Variants in MAST2 observed in about 807,000 individuals in gnomAD.
MAST2 encodes microtubule associated serine/threonine kinase 2, also known as microtubule-associated serine/threonine-protein kinase 2.
A neutral mutation model predicts 147.4 loss-of-function variants in MAST2; 70 were observed. That is an observed-to-expected ratio of 0.47 (90% confidence interval 0.39 to 0.58). The LOEUF (loss-of-function observed/expected upper bound fraction) is 0.58. MAST2 is among the 20% of genes least tolerant of loss of function. The pLI is 0.00. For missense variants in MAST2, 2,080 were observed against 2,302.3 expected (o/e 0.90, Z 1.98); for synonymous variants, 869 against 896.8 (o/e 0.97, Z 0.55).
chr1:46,026,555 T>C (rs961315212), intron 16 of MAST2, among the ~76,000 whole-genome samples: 3 of 151,892 alleles, frequency 2.0e-5, no homozygotes, highest in Non-Finnish European at 2.9e-5. Context: ...GAAAGCTCAC[T>C]CTGCCGGTGA....
In MAST2 at chr1:45,976,818, T is replaced by C. The variant is rs538825469; in HGVS notation, c.592+17341T>C. 6.3e-4 allele frequency among the ~76,000 whole-genome samples: 96 copies of C among 152,328 alleles called. 1 individual carries two copies. The highest frequency in any genetic ancestry group is 2.2e-3 in the African/African-American group (90 of 41,582). Reference sequence around the variant, plus strand: ...AAATCAGTGGCATGTGGATTGATTGTCTTCAGATTCCCTGAGTGATTAATG... The same window carrying C: ...AAATCAGTGGCATGTGGATTGATTGCCTTCAGATTCCCTGAGTGATTAATG... On this transcript the variant is annotated intron_variant, in intron 5 of 28. Coordinates refer to ENST00000361297, the MANE Select transcript of MAST2 (RefSeq NM_015112.3).
chr1:45,917,983 C>T (rs1038315693), intron 4 of MAST2, among the ~76,000 whole-genome samples: 4 of 152,118 alleles, frequency 2.6e-5, no homozygotes, highest in South Asian at 2.1e-4. Context: ...TATTTGATTA[C>T]GTACTATCTG....
chr1:45,893,296 GCTCAAGCGATCCTCCTGTTTCAGCTT>G (rs1648158166), intron 4 of MAST2, among the ~76,000 whole-genome samples: 1 of 152,140 alleles, frequency 6.6e-6, no homozygotes. Flanking sequence ...AACCTCCTGG[GCTCAAGCGATCCTCCTGTTTCAGCTT>G]CTCAGGTAGC....
At chr1:45,928,756 T>A (rs958472147) in intron 4 of MAST2, among the ~76,000 whole-genome samples, 16 of 152,068 alleles carry the variant, frequency 1.1e-4, no homozygotes, top group African/African-American at 3.6e-4. Flanking sequence ...ATTTTTTCTA[T>A]TTTTTGTAGA....
At chr1:45,890,786 T>C (rs1647637650) in intron 4 of MAST2, among the ~76,000 whole-genome samples, 1 of 152,214 alleles carries the variant, frequency 6.6e-6, no homozygotes, top group Non-Finnish European at 1.5e-5. Context: ...AAATTGGCAA[T>C]CATTTGAACT....
intron 17 of MAST2, 74 bp downstream of exon 17, chr1:46,027,937 A>T: frequency 1.3e-6 from 2 of 1,566,758 alleles, no homozygotes; most frequent in Admixed American, 1.8e-5. Context: ...TACGCCCGTA[A>T]TCCCAACCCT....
chr1:46,026,661 G>A (rs1049537897), intron 16 of MAST2, among the ~76,000 whole-genome samples: 2 of 152,114 alleles, frequency 1.3e-5, no homozygotes, highest in Admixed American at 6.5e-5. Context: ...AAAGAAGAGG[G>A]GTAGTGTGGG....
At chr1:46,001,439 T>C (rs768695516) in intron 6 of MAST2, among the ~76,000 whole-genome samples, 21 of 152,130 alleles carry the variant, frequency 1.4e-4, no homozygotes, top group Non-Finnish European at 4.4e-5. Flanking sequence ...TTGACAAGGG[T>C]TTGGGAAATC....
chr1:45,835,633 A>G (rs1252899513), intron 3 of MAST2, among the ~76,000 whole-genome samples: 4 of 152,182 alleles, frequency 2.6e-5, no homozygotes, highest in African/African-American at 9.7e-5. Context: ...TAACCATTTT[A>G]AAGTGTACAT....
intron 12 of MAST2, among the ~76,000 whole-genome samples, chr1:46,022,662 T>C (rs1646235420): frequency 6.6e-6 from 1 of 152,208 alleles, no homozygotes. Flanking sequence ...CCCCAGTTTA[T>C]AGAATTTGCC....
intron 3 of MAST2, among the ~76,000 whole-genome samples, chr1:45,857,259 C>T (rs538680851): frequency 1.5e-4 from 23 of 152,192 alleles, no homozygotes; most frequent in African/African-American, 5.3e-4. Context: ...GAAAGGAAGA[C>T]TACTTTGAAA....
intron 4 of MAST2, among the ~76,000 whole-genome samples, chr1:45,910,228 C>T (rs923311894): frequency 1.3e-5 from 2 of 151,154 alleles, no homozygotes; most frequent in Non-Finnish European, 1.5e-5. Flanking sequence ...ACAACGTACT[C>T]ATTTTCAGTG....
intron 4 of MAST2, among the ~76,000 whole-genome samples, chr1:45,921,778 GCTCTTCTCTCCTTCT>G (rs76148312): frequency 2.6e-5 from 4 of 152,192 alleles, no homozygotes; most frequent in Admixed American, 2.0e-4. Flanking sequence ...AAGGGCTGCA[GCTCTTCTCTCCTTCT>G]CTCTTCTCTC....
chr1:45,973,317 A>G (rs777556510), intron 5 of MAST2, among the ~76,000 whole-genome samples: 1 of 152,140 alleles, frequency 6.6e-6, no homozygotes, highest in Non-Finnish European at 1.5e-5. Context: ...TCTGTACTTT[A>G]GACCTTGTCT....
chr1:45,902,935 GT>G (rs1044490270), intron 4 of MAST2, among the ~76,000 whole-genome samples: 9 of 151,660 alleles, frequency 5.9e-5, no homozygotes, highest in African/African-American at 2.2e-4. Flanking sequence ...CCCACTTTTT[GT>G]TTTGTTGCTC....
rs767545153 is a variant in MAST2, at chr1:45,824,572, C to T, written c.317C>T (p.Ser106Phe). The change falls in exon 2 of 29, where the codon TCT becomes TTT. Residue 106 changes from serine to phenylalanine, a missense_variant. Physicochemically the swap from Ser to Phe is radical, Grantham distance 155. This residue lies in a region of MAST2 where 569 missense variants were observed against 642.5 expected (regional missense o/e 0.89). Coordinates refer to ENST00000361297, the MANE Select transcript of MAST2 (RefSeq NM_015112.3). Reference sequence around the variant, plus strand: ...TTATGGAGAGGAAACCTGGCCAGCTCTCTATCGGGTAAATATCTGATTTTG... The same window carrying T: ...TTATGGAGAGGAAACCTGGCCAGCTTTCTATCGGGTAAATATCTGATTTTG... ...CKLWRGNLAS[S>F]LSGKQLLPLS... 15 of 1,594,012 alleles carry T rather than the reference C, an allele frequency of 9.4e-6. No individual in the cohort carries two copies. Among genetic ancestry groups the T allele is most frequent in the Non-Finnish European group, 1.2e-5 (14 of 1,167,760 alleles).
rs748394722 is a variant in MAST2 at position 45,916,336 on chromosome 1, A to G, written c.500+33941A>G. Among the ~76,000 whole-genome samples the G allele has an allele frequency of 3.6e-4, 55 of 152,328 alleles. 1 individual carries two copies. The highest frequency in any genetic ancestry group is 5.9e-5 in the Non-Finnish European group (4 of 68,016). On this transcript the variant is annotated intron_variant, in intron 4 of 28. Transcript: ENST00000361297. ...ATTAAATAATGGTGTGTGTATAGAA[A>G]GCCATGCCAATAAGGTAGCAAATTA...
chr1:45,990,562 C>T (rs2149112920), intron 5 of MAST2, among the ~76,000 whole-genome samples: 1 of 152,238 alleles, frequency 6.6e-6, no homozygotes, highest in East Asian at 1.9e-4. Context: ...GGTGCAGTCA[C>T]AGCCCACTAC....
intron 4 of MAST2, among the ~76,000 whole-genome samples, chr1:45,917,134 T>G (rs1425176718): frequency 6.6e-6 from 1 of 152,122 alleles, no homozygotes; most frequent in Non-Finnish European, 1.5e-5. Context: ...ATCTTAAATG[T>G]TGTATTTTAA....
Sources: allele counts gnomAD v4.1 joint callset (sites outside exome capture counted in the v4.1 genomes callset), GRCh38; gene constraint gnomAD v4.1.1; regional missense constraint gnomAD v4.1.1; transcripts MANE v1.5; gene names NCBI Gene and HGNC (gene_info 2026-07-23, HGNC 2026-07-21).